Variants in RGMA observed in about 807,000 individuals in gnomAD.
RGMA encodes repulsive guidance molecule A.
Under a neutral mutation model 23.2 loss-of-function variants are expected in RGMA, and 10 were observed. That is an observed-to-expected ratio of 0.43 (90% CI 0.27 to 0.73). The LOEUF is 0.73. RGMA is among the 30% of genes least tolerant of loss of function. The pLI is 0.20. For synonymous variants in RGMA, 308 were observed against 279.3 expected (o/e 1.10, Z -1.03); for missense variants, 547 against 630.5 (o/e 0.87, Z 1.42).
chr15:93,045,633 G>A lies in RGMA; in HGVS notation c.718C>T (p.Pro240Ser). Residue 240 changes from proline to serine, a missense_variant, in exon 4 of 4, where the codon CCG (proline) becomes TCG (serine). Pro to Ser is a moderately conservative substitution (Grantham distance 74). Transcript: ENST00000329082. This position sits in a 1 kb window ranked among gnomAD's most constrained non-coding sequence, Gnocchi z 6.9. Reference sequence around the variant, plus strand: ...TTAGAGCCATCCACGAAGGCGGCCGGGAGCTCGTCCATCTCAGCCTGGTAC... The same window carrying A: ...TTAGAGCCATCCACGAAGGCGGCCGAGAGCTCGTCCATCTCAGCCTGGTAC... ...KVYQAEMDEL[P>S]AAFVDGSKNG... is the part of the protein sequence containing the mutation. The A allele has an allele frequency of 6.2e-7, 1 of 1,612,126 alleles. No individual in the cohort carries two copies. The highest frequency in any genetic ancestry group is 8.5e-7 in the Non-Finnish European group (1 of 1,179,862).
rs1256427104 is a variant in RGMA, at chr15:93,064,065, TC to T, written c.130+8850del. On this transcript the variant is annotated intron_variant, in intron 2 of 3. Transcript: ENST00000329082. ...CTCAGCTTTCCACACTACCCTCCCA[TC>T]CCCCAGTTCCTCCTGGGGCCATGTG... 2.6e-5 allele frequency among the ~76,000 whole-genome samples: 4 copies of T among 152,092 alleles called. No homozygotes were observed. The East Asian group carries it at 7.7e-4, about 29-fold the overall frequency.
intron 1 of RGMA, among the ~76,000 whole-genome samples, chr15:93,077,432 T>C (rs2141845408): frequency 1.3e-5 from 2 of 152,342 alleles, no homozygotes; most frequent in South Asian, 4.1e-4. Context: ...CTCGGGCCCA[T>C]GCCCTCCTTG....
chr15:93,088,476 A>C (rs1364216444), intron 1 of RGMA: 3 of 987,892 alleles, frequency 3.0e-6, no homozygotes, highest in Non-Finnish European at 3.6e-6. Flanking sequence ...GACATCCCCG[A>C]GGGCAGGAGA....
At chr15:93,054,869 A>G (rs1300896791) in intron 2 of RGMA, among the ~76,000 whole-genome samples, 1 of 152,166 alleles carries the variant, frequency 6.6e-6, no homozygotes, top group Non-Finnish European at 1.5e-5. Flanking sequence ...TAACCTGTAC[A>G]AGATGTGCAA....
At chr15:93,065,695 TG>T in intron 2 of RGMA, 1 of 1,174,892 alleles carries the variant, frequency 8.5e-7, no homozygotes, top group Non-Finnish European at 1.2e-6. Context: ...GAAGTAGGGG[TG>T]GTTTCGTGGG....
In RGMA at chr15:93,042,865, G is replaced by A. The variant is rs2054742133; in HGVS notation, c.*2133C>T. On this transcript the variant is annotated 3_prime_UTR_variant, in exon 4 of 4. Coordinates refer to ENST00000329082, the MANE Select transcript of RGMA (RefSeq NM_020211.3). ...GAGAAGATGGGCACTGGCAGGGAGG[G>A]TGGCAGGCAGTCCCAACAGCTGGGG... 1 of 147,926 alleles carries A rather than the reference G, an allele frequency of 6.8e-6. No individual in the cohort carries two copies. Among genetic ancestry groups the A allele is most frequent in the African/African-American group, 2.4e-5 (1 of 41,166 alleles). The allele number at this position is 147,926 out of a possible 1,614,324, so 9.2% of individuals were successfully genotyped here.
intron 1 of RGMA, chr15:93,088,478 G>A (rs1025593512): frequency 3.0e-5 from 30 of 988,646 alleles, no homozygotes; most frequent in African/African-American, 3.5e-5. Flanking sequence ...CATCCCCGAG[G>A]GCAGGAGATG....
At chr15:93,053,553 G>C (rs2054963217) in intron 2 of RGMA, among the ~76,000 whole-genome samples, 1 of 152,244 alleles carries the variant, frequency 6.6e-6, no homozygotes, top group African/African-American at 2.4e-5. Context: ...GTCAGTTTGT[G>C]TCTCTGGTGC....
intron 2 of RGMA, among the ~76,000 whole-genome samples, chr15:93,055,778 G>A (rs1227071042): frequency 3.9e-5 from 6 of 152,208 alleles, no homozygotes; most frequent in African/African-American, 1.2e-4. Flanking sequence ...GGGGCTCGAC[G>A]GCAGGGTCAG....
intron 2 of RGMA, among the ~76,000 whole-genome samples, chr15:93,060,227 C>T (rs1157815160): frequency 1.7e-4 from 26 of 152,232 alleles, no homozygotes; most frequent in Non-Finnish European, 8.8e-5. Context: ...CCTTGGTAAG[C>T]CTTGCAACCT....
At chr15:93,053,788 G>A (rs552872556) in intron 2 of RGMA, among the ~76,000 whole-genome samples, 3 of 152,318 alleles carry the variant, frequency 2.0e-5, no homozygotes, top group South Asian at 2.1e-4. Flanking sequence ...GAGCACGGGC[G>A]AGTCAGTGCT....
intron 1 of RGMA, among the ~76,000 whole-genome samples, chr15:93,078,100 C>T (rs1895502372): frequency 6.6e-6 from 1 of 152,214 alleles, no homozygotes; most frequent in African/African-American, 2.4e-5. Context: ...CCAAGCCACT[C>T]TTCAGCATAT....
intron 2 of RGMA, among the ~76,000 whole-genome samples, chr15:93,071,215 G>T (rs1294976440): frequency 1.3e-5 from 2 of 152,172 alleles, no homozygotes; most frequent in Admixed American, 6.5e-5. Context: ...ACCAAACCAA[G>T]AACACAAATT....
At chr15:93,073,254 C>A (rs551274720) in intron 1 of RGMA, 16 of 1,008,892 alleles carry the variant, frequency 1.6e-5, no homozygotes, top group Middle Eastern at 3.9e-4. Context: ...CAGCCGCCTG[C>A]GCACCGCCCC....
chr15:93,088,231 A>AC, intron 1 of RGMA: 22 of 461,538 alleles, frequency 4.8e-5, no homozygotes, highest in Non-Finnish European at 5.7e-5. Context: ...AGCGTCCCCC[A>AC]CACCCGCCCT....
chr15:93,069,375 G>A (rs925488221), intron 2 of RGMA, among the ~76,000 whole-genome samples: 3 of 152,200 alleles, frequency 2.0e-5, no homozygotes, highest in Non-Finnish European at 4.4e-5. Flanking sequence ...CTCTCAAAGT[G>A]CTGGGGTTAC....
chr15:93,055,482 G>A (rs1380999462), intron 2 of RGMA, among the ~76,000 whole-genome samples: 1 of 152,198 alleles, frequency 6.6e-6, no homozygotes, highest in Non-Finnish European at 1.5e-5. Flanking sequence ...GCCGGGCTCT[G>A]CTGGGCTGAC....
intron 2 of RGMA, among the ~76,000 whole-genome samples, chr15:93,057,348 C>T (rs376082558): frequency 6.6e-6 from 1 of 152,104 alleles, no homozygotes; most frequent in African/African-American, 2.4e-5. Context: ...GAGAGTGGAG[C>T]CCCCACGACA....
chr15:93,064,674 T>A (rs75455490), intron 2 of RGMA, among the ~76,000 whole-genome samples: 2,447 of 152,348 alleles, frequency 0.016, 64 homozygotes, highest in African/African-American at 0.055. Flanking sequence ...TAATCGGGTA[T>A]TCTGCCGGCT....
Sources: allele counts gnomAD v4.1 joint callset (sites outside exome capture counted in the v4.1 genomes callset), GRCh38; gene constraint gnomAD v4.1.1; non-coding constraint Gnocchi (gnomAD v3.1); transcripts MANE v1.5; gene names NCBI Gene and HGNC (gene_info 2026-07-23, HGNC 2026-07-21).